The following KDM1B variants were observed in gnomAD, a reference collection of about 807,000 sequenced individuals.
The protein encoded by KDM1B is lysine-specific histone demethylase 2.
A neutral mutation model predicts 107.4 loss-of-function variants in KDM1B; 63 were observed. The ratio of observed to expected loss-of-function variants is 0.59; its 90% CI spans 0.48 to 0.72. The LOEUF (loss-of-function observed/expected upper bound fraction) is 0.72. Ranked by LOEUF, KDM1B falls within the 30% of genes least tolerant of loss-of-function variation. KDM1B has a pLI of 0.00. For missense variants in KDM1B, 749 were observed against 1,020.8 expected, an observed-to-expected ratio of 0.73 and a Z score of 3.63; for synonymous variants, 363 against 363.9, an observed-to-expected ratio of 1.00 and a Z score of 0.03.
intron 2 of KDM1B, among the ~76,000 whole-genome samples, chr6:18,158,323 C>CAAAAAAAAAAAAAAAAAAAAA (rs56971577): frequency 1.0e-5 from 1 of 99,474 alleles, no homozygotes; most frequent in Non-Finnish European, 2.0e-5. Flanking sequence ...GACTCCTTCA[C>CAAAAAAAAAAAAAAAAAAAAA]AAAAAAAAAA....
In KDM1B at chr6:18,197,925, C is replaced by CTTTT. The variant is rs1039217550; in HGVS notation, c.1221+279_1221+282dup. Among the ~76,000 whole-genome samples the CTTTT allele has an allele frequency of 2.4e-3, 318 of 130,000 alleles. 8 individuals are homozygous for CTTTT. Among genetic ancestry groups the CTTTT allele is most frequent in the African/African-American group, 8.8e-3 (301 of 34,252 alleles). 85.3% of individuals were successfully genotyped at this position (130,000 alleles called of 152,430 possible). ...CTAACTTGGCATTAAAGTAGAAATT[C>CTTTT]TTTTTTTTTTTTTTTTTTGAGACAG... On this transcript the variant is annotated intron_variant, in intron 12 of 21. Transcript: ENST00000650836. This position sits in a 1 kb window ranked among gnomAD's most constrained non-coding sequence, Gnocchi z 4.5.
chr6:18,160,043 C>A, intron 3 of KDM1B, 61 bp downstream of exon 3: 2 of 1,120,828 alleles, frequency 1.8e-6, no homozygotes, highest in Non-Finnish European at 2.6e-6. Flanking sequence ...CTGATTGGGA[C>A]TGGAGAATTA....
intron 5 of KDM1B, among the ~76,000 whole-genome samples, chr6:18,164,675 T>G (rs907413298): frequency 1.3e-5 from 2 of 152,194 alleles, no homozygotes; most frequent in African/African-American, 4.8e-5. Flanking sequence ...TCTTTTCTTT[T>G]GAGACAGGGT....
Position 18,162,927 on chromosome 6 carries a change from A to T in KDM1B, c.305+3A>T. 6.4e-7 allele frequency: 1 copy of T among 1,569,556 alleles called. No homozygotes were observed. The highest frequency in any genetic ancestry group is 1.1e-5 in the South Asian group (1 of 90,132). On this transcript the variant is annotated splice_donor_region_variant and intron_variant, in intron 5 of 21. Coordinates refer to ENST00000650836, the MANE Select transcript of KDM1B (RefSeq NM_001364614.2). This position sits in a 1 kb window ranked among gnomAD's most constrained non-coding sequence, Gnocchi z 4.1. The stretch of plus-strand genomic sequence containing the variant: ...TGCTTTGACCATTACTACAGAAGGT[A>T]TGTTCACTAATTGTGTGAGGTTTCC...
At position 18,171,474 on chromosome 6, in the gene KDM1B, A is replaced by G. The variant is rs768366111; in HGVS notation, c.529A>G (p.Ile177Val). ...YRCGMKPNTA[I>V]KPETSDHCSL... ...ATGCGGTATGAAACCAAATACTGCT[A>G]TTAAGGTATGTTCTCTTTTTGCTTT... Residue 177 changes from isoleucine (I) to valine (V), a missense_variant, in exon 7 of 22, where the codon ATT (isoleucine) becomes GTT (valine). Ile to Val is a conservative substitution (Grantham distance 29). Coordinates refer to ENST00000650836, the MANE Select transcript of KDM1B (RefSeq NM_001364614.2). 24 of 1,536,336 alleles carry G rather than the reference A, an allele frequency of 1.6e-5. No individual in the cohort carries two copies. The East Asian group carries it at 5.2e-4, about 33-fold the overall frequency.
At chr6:18,219,579 G>A (rs1369499031) in intron 21 of KDM1B, among the ~76,000 whole-genome samples, 1 of 152,106 alleles carries the variant, frequency 6.6e-6, no homozygotes, top group African/African-American at 2.4e-5. Flanking sequence ...TGTTTCTAAG[G>A]TTTTAAAGCT....
intron 12 of KDM1B, among the ~76,000 whole-genome samples, chr6:18,199,130 A>G (rs1405836724): frequency 2.6e-5 from 4 of 151,494 alleles, no homozygotes; most frequent in Non-Finnish European, 4.4e-5. Context: ...TGAAGGAGGC[A>G]GAGGTTGCAG....
intron 16 of KDM1B, 87 bp from the exon 17 acceptor site, chr6:18,208,045 G>A: frequency 1.0e-6 from 1 of 957,856 alleles, no homozygotes; most frequent in Non-Finnish European, 1.7e-6. Context: ...CCTTGGAGAT[G>A]TAAATTCATG....
chr6:18,216,056 G>T (rs1789204924), intron 20 of KDM1B, among the ~76,000 whole-genome samples: 1 of 152,096 alleles, frequency 6.6e-6, no homozygotes, highest in Non-Finnish European at 1.5e-5. Flanking sequence ...GGGGCATTCA[G>T]ATATGTTGCT....
chr6:18,168,253 G>A (rs756956557), intron 6 of KDM1B, among the ~76,000 whole-genome samples: 13 of 152,138 alleles, frequency 8.5e-5, no homozygotes, highest in Non-Finnish European at 1.8e-4. Flanking sequence ...TCACGCACAA[G>A]GGAAGCCCTA....
intron 21 of KDM1B, among the ~76,000 whole-genome samples, chr6:18,219,454 G>A (rs1482255433): frequency 6.6e-6 from 1 of 151,798 alleles, no homozygotes; most frequent in Non-Finnish European, 1.5e-5. Flanking sequence ...CTACTTTTGG[G>A]GGAGATTTTA....
intron 8 of KDM1B, 40 bp from the exon 9 acceptor site, chr6:18,187,752 T>G (rs1456593220): frequency 7.5e-7 from 1 of 1,338,374 alleles, no homozygotes; most frequent in Non-Finnish European, 1.0e-6. Context: ...ACATTTCTTG[T>G]CTGTCCTTGT....
At chr6:18,217,094 A>G (rs533926420) in intron 20 of KDM1B, among the ~76,000 whole-genome samples, 2 of 152,076 alleles carry the variant, frequency 1.3e-5, no homozygotes, top group Admixed American at 6.6e-5. Context: ...CCTTTCTGCT[A>G]CCACACGATG....
intron 21 of KDM1B, among the ~76,000 whole-genome samples, chr6:18,220,322 G>T (rs1190815356): frequency 6.6e-6 from 1 of 152,200 alleles, no homozygotes; most frequent in Non-Finnish European, 1.5e-5. Context: ...GCTGAGACAG[G>T]TGTATCACCT....
chr6:18,170,181 C>T (rs918704197), intron 6 of KDM1B, among the ~76,000 whole-genome samples: 5 of 152,174 alleles, frequency 3.3e-5, no homozygotes, highest in East Asian at 3.9e-4. Context: ...AAAGTGCAGG[C>T]GTGAGACACT....
intron 7 of KDM1B, among the ~76,000 whole-genome samples, chr6:18,184,890 C>G (rs756184508): frequency 4.5e-4 from 68 of 151,878 alleles, no homozygotes; most frequent in Middle Eastern, 3.4e-3. Context: ...CATGCACCAC[C>G]AAGCCTGGCT....
Position 18,163,033 on chromosome 6 carries a change from G to C in KDM1B, c.305+109G>C, listed in dbSNP as rs905485433. On this transcript the variant is annotated intron_variant, in intron 5 of 21. Transcript: ENST00000650836. Reference sequence around the variant, plus strand: ...GTCTCGAGGCTTACTGAATTATTCAGCTCTTTCAGCCATGCCTGTGATGAC... The same window carrying C: ...GTCTCGAGGCTTACTGAATTATTCACCTCTTTCAGCCATGCCTGTGATGAC... The C allele has an allele frequency of 1.2e-4, 78 of 678,080 alleles. 1 individual carries two copies. The highest frequency in any genetic ancestry group is 9.6e-4 in the African/African-American group (54 of 56,030). The allele number at this position is 678,080 out of a possible 1,614,324, so 42.0% of individuals were successfully genotyped here.
In KDM1B at chr6:18,223,763, TAGC is replaced by T. The variant is rs889341879; in HGVS notation, c.*1774_*1776del. 10 of 152,306 alleles carry T rather than the reference TAGC, an allele frequency of 6.6e-5. No homozygotes were observed. Among genetic ancestry groups the T allele is most frequent in the Middle Eastern group, 6.8e-3 (2 of 294 alleles). The allele number at this position is 152,306 out of a possible 1,614,324, so 9.4% of individuals were successfully genotyped here. On this transcript the variant is annotated 3_prime_UTR_variant, in exon 22 of 22. Coordinates refer to ENST00000650836, the MANE Select transcript of KDM1B (RefSeq NM_001364614.2). ...GCCATCTGAAGATTTTGTAATTGAG[TAGC>T]AGTAAATATACAGATTTACAATGTT... is the stretch of plus-strand genomic sequence containing the variant.
chr6:18,216,612 G>C lies in KDM1B; in HGVS notation c.2233-1121G>C, dbSNP rs527876466. Among the ~76,000 whole-genome samples the C allele has an allele frequency of 2.1e-4, 32 of 152,260 alleles. 1 individual carries two copies. The South Asian group carries it at 6.4e-3, about 31-fold the overall frequency. On this transcript the variant is annotated intron_variant, in intron 20 of 21. Coordinates refer to ENST00000650836, the MANE Select transcript of KDM1B (RefSeq NM_001364614.2). ...CAGTTACTGTGGTCAACCAAGGTCT[G>C]AAAATATTTGATGGAAAATTCCAGA...
Sources: gnomAD v4.1 joint callset for allele counts (sites outside exome capture counted in the v4.1 genomes callset) on GRCh38, gnomAD v4.1.1 for gene constraint, Gnocchi (gnomAD v3.1) non-coding constraint, MANE v1.5 for transcripts, NCBI Gene and HGNC (gene_info 2026-07-23, HGNC 2026-07-21) for gene names.